Variants in MSRA observed in about 807,000 individuals in gnomAD.
MSRA encodes methionine sulfoxide reductase A.
In MSRA, 54 loss-of-function variants were observed where a neutral mutation model predicts 31.3. The observed-to-expected ratio is 1.73, with a 90% CI of 1.39 to 2.17. MSRA has a LOEUF of 2.17. MSRA is among the 30% of genes most tolerant of loss of function. The pLI is 0.00. For synonymous variants in MSRA, 169 were observed against 116.5 expected (o/e 1.45, Z -2.90); for missense variants, 507 against 300.9 (o/e 1.69, Z -5.07).
chr8:10,292,729 G>T (rs1384476795), intron 3 of MSRA, among the ~76,000 whole-genome samples: 1 of 152,238 alleles, frequency 6.6e-6, no homozygotes, highest in Non-Finnish European at 1.5e-5. Flanking sequence ...CTGAAAGCAG[G>T]CAGGGCTTGG....
At chr8:10,288,461 A>G (rs1469627703) in intron 3 of MSRA, among the ~76,000 whole-genome samples, 2 of 152,208 alleles carry the variant, frequency 1.3e-5, no homozygotes, top group Non-Finnish European at 2.9e-5. Flanking sequence ...TGATATGTAC[A>G]TAGTCGATTA....
chr8:10,422,874 G>C (rs1361117779), intron 5 of MSRA, among the ~76,000 whole-genome samples: 1 of 152,204 alleles, frequency 6.6e-6, no homozygotes, highest in Admixed American at 6.5e-5. Flanking sequence ...AACCAGGCAA[G>C]TCCGTCATGA....
At chr8:10,155,263 C>G (rs142645117) in intron 1 of MSRA, among the ~76,000 whole-genome samples, 78 of 152,154 alleles carry the variant, frequency 5.1e-4, no homozygotes, top group African/African-American at 1.8e-3. Context: ...AAATGAGCAA[C>G]TAAGTGAATT....
intron 1 of MSRA, among the ~76,000 whole-genome samples, chr8:10,186,569 C>T (rs970150046): frequency 1.3e-5 from 2 of 152,214 alleles, no homozygotes; most frequent in Admixed American, 6.5e-5. Context: ...ATGGTTTTGC[C>T]AATCCCCTGT....
At chr8:10,149,589 C>G (rs1270233820) in intron 1 of MSRA, among the ~76,000 whole-genome samples, 1 of 152,042 alleles carries the variant, frequency 6.6e-6, no homozygotes, top group Non-Finnish European at 1.5e-5. Context: ...AAACATTGGG[C>G]AGGCTAACGT....
intron 2 of MSRA, among the ~76,000 whole-genome samples, chr8:10,219,197 G>A (rs947367979): frequency 2.6e-5 from 4 of 152,208 alleles, no homozygotes; most frequent in South Asian, 2.1e-4. Flanking sequence ...TGCCCATAGC[G>A]AAGATTAACA....
At chr8:10,112,580 C>T (rs1412074739) in intron 1 of MSRA, among the ~76,000 whole-genome samples, 5 of 152,214 alleles carry the variant, frequency 3.3e-5, no homozygotes, top group Non-Finnish European at 7.3e-5. Flanking sequence ...GCTGTGATTA[C>T]ATGGAATACT....
intron 3 of MSRA, among the ~76,000 whole-genome samples, chr8:10,266,491 A>G (rs535964963): frequency 1.3e-5 from 2 of 152,286 alleles, no homozygotes; most frequent in South Asian, 4.1e-4. Context: ...CAAGTCCTTT[A>G]TCAGACATAA....
At position 10,116,634 on chromosome 8, in the gene MSRA, G is replaced by T. The variant is rs145559794; in HGVS notation, c.142+61976G>T. 1.2e-3 allele frequency among the ~76,000 whole-genome samples: 180 copies of T among 152,274 alleles called. 1 individual carries two copies. Among genetic ancestry groups the T allele is most frequent in the African/African-American group, 4.1e-3 (171 of 41,554 alleles). On this transcript the variant is annotated intron_variant, in intron 1 of 5. Transcript: ENST00000317173. ...GACACCTAGGATGCTGCAGGAGCACGGAGCAGGGTCTGCCAACACACTGGT... is the reference window on the plus strand; with the variant it reads ...GACACCTAGGATGCTGCAGGAGCACTGAGCAGGGTCTGCCAACACACTGGT...
intron 1 of MSRA, among the ~76,000 whole-genome samples, chr8:10,104,750 G>A (rs1213050718): frequency 6.6e-6 from 1 of 152,200 alleles, no homozygotes; most frequent in Non-Finnish European, 1.5e-5. Context: ...CGGATATAAT[G>A]AGGCATGTCC....
At chr8:10,142,019 C>T (rs1249476518) in intron 1 of MSRA, among the ~76,000 whole-genome samples, 4 of 152,152 alleles carry the variant, frequency 2.6e-5, no homozygotes, top group South Asian at 2.1e-4. Flanking sequence ...AGTGCAATGG[C>T]GCGATCTTGG....
chr8:10,343,367 G>C (rs986608935), intron 5 of MSRA, among the ~76,000 whole-genome samples: 7 of 152,232 alleles, frequency 4.6e-5, no homozygotes, highest in Non-Finnish European at 1.0e-4. Flanking sequence ...GGAGTGATCA[G>C]TGTTTTCAGG....
At chr8:10,278,323 A>G (rs958689170) in intron 3 of MSRA, among the ~76,000 whole-genome samples, 1 of 152,186 alleles carries the variant, frequency 6.6e-6, no homozygotes, top group Non-Finnish European at 1.5e-5. Context: ...TGGTTCTGTC[A>G]CTGTGGAATT....
intron 1 of MSRA, among the ~76,000 whole-genome samples, chr8:10,112,309 G>C (rs1022951438): frequency 6.6e-6 from 1 of 152,138 alleles, no homozygotes; most frequent in African/African-American, 2.4e-5. Context: ...CATTTGGTTT[G>C]ATTCAACACC....
At chr8:10,111,047 A>T (rs1800241264) in intron 1 of MSRA, among the ~76,000 whole-genome samples, 1 of 152,178 alleles carries the variant, frequency 6.6e-6, no homozygotes, top group Non-Finnish European at 1.5e-5. Flanking sequence ...GAGGTCAAGG[A>T]AGTGTCAGAA....
intron 1 of MSRA, among the ~76,000 whole-genome samples, chr8:10,176,099 C>T (rs1051109387): frequency 6.6e-6 from 1 of 152,198 alleles, no homozygotes; most frequent in African/African-American, 2.4e-5. Context: ...CCTATTAGAT[C>T]TGTAATAATG....
intron 3 of MSRA, among the ~76,000 whole-genome samples, chr8:10,275,488 A>G (rs529737008): frequency 1.3e-5 from 2 of 152,276 alleles, no homozygotes; most frequent in Non-Finnish European, 2.9e-5. Flanking sequence ...TGAAAGCACA[A>G]GAAGCATTTC....
Position 10,054,470 on chromosome 8 carries a change from G to A in MSRA, c.-47G>A, listed in dbSNP as rs1209107461. On this transcript the variant is annotated 5_prime_UTR_variant, in exon 1 of 6. Transcript: ENST00000317173. The stretch of plus-strand genomic sequence containing the variant: ...CTGCCGTTCCGGCTGCGGCTCCGCT[G>A]CCGGTAGCGCCGTCCCCCGGGACCA... 8 of 1,530,218 alleles carry A rather than the reference G, an allele frequency of 5.2e-6. No homozygotes were observed. The highest frequency in any genetic ancestry group is 1.4e-5 in the African/African-American group (1 of 69,764). 94.8% of individuals were successfully genotyped at this position (1,530,218 alleles called of 1,614,324 possible).
At chr8:10,293,195 T>A (rs1800340208) in intron 3 of MSRA, among the ~76,000 whole-genome samples, 1 of 152,138 alleles carries the variant, frequency 6.6e-6, no homozygotes, top group Non-Finnish European at 1.5e-5. Flanking sequence ...AGGCAGAGTC[T>A]GAGGTTCCTG....
Sources: gnomAD v4.1 joint callset for allele counts (sites outside exome capture counted in the v4.1 genomes callset) on GRCh38, gnomAD v4.1.1 for gene constraint, MANE v1.5 for transcripts, NCBI Gene and HGNC (gene_info 2026-07-23, HGNC 2026-07-21) for gene names.